The following TPRG1 variants were observed in gnomAD, a reference collection of about 807,000 sequenced individuals.
The protein encoded by TPRG1 is tumor protein p63 regulated 1, also known as tumor protein p63-regulated gene 1 protein.
In TPRG1, 29 loss-of-function variants were observed where a neutral mutation model predicts 29.3. The ratio of observed to expected loss-of-function variants is 0.99; its 90% confidence interval spans 0.74 to 1.35. TPRG1 has a LOEUF of 1.35. TPRG1 is among the 40% of genes most tolerant of loss of function. TPRG1 has a pLI of 0.00. For missense variants in TPRG1, 327 were observed against 335.0 expected (o/e 0.98, Z 0.19); for synonymous variants, 130 against 116.8 (o/e 1.11, Z -0.73).
chr3:189,034,482 T>C (rs895236281), intron 4 of TPRG1, among the ~76,000 whole-genome samples: 1 of 152,204 alleles, frequency 6.6e-6, no homozygotes, highest in Non-Finnish European at 1.5e-5. Flanking sequence ...ATAGATTTAA[T>C]ATATTGGCAA....
At chr3:189,056,064 C>T (rs1164012286) in intron 4 of TPRG1, among the ~76,000 whole-genome samples, 1 of 124,346 alleles carries the variant, frequency 8.0e-6, no homozygotes, top group East Asian at 2.9e-4. Context: ...TTCCTTCCTT[C>T]CTTCCTTCCT....
chr3:189,230,167 T>A (rs561983080), intron 3 of TPRG1, among the ~76,000 whole-genome samples: 1 of 152,262 alleles, frequency 6.6e-6, no homozygotes, highest in South Asian at 2.1e-4. Context: ...GATGGGGGCG[T>A]GCCCAGATTC....
Position 189,249,068 on chromosome 3 carries a change from TCTA to T in TPRG1, c.479+10163_479+10165del, listed in dbSNP as rs563670152. 4.6e-5 allele frequency among the ~76,000 whole-genome samples: 7 copies of T among 151,612 alleles called. No individual in the cohort carries two copies. The East Asian group carries it at 1.4e-3, about 29-fold the overall frequency. On this transcript the variant is annotated intron_variant, in intron 4 of 5. Transcript: ENST00000345063. ...TAGAGTTTCATAAGTGGTACGGAGATCTACTATCATGTTATTTAGGTATACTCT... is the reference window on the plus strand; with the variant it reads ...TAGAGTTTCATAAGTGGTACGGAGATCTATCATGTTATTTAGGTATACTCT...
chr3:189,197,105 A>G (rs553250470), intron 1 of TPRG1, among the ~76,000 whole-genome samples: 1 of 152,340 alleles, frequency 6.6e-6, no homozygotes, highest in Admixed American at 6.5e-5. Flanking sequence ...GGATGTCTCA[A>G]TAACTGGGAC....
rs567144419 is a variant in TPRG1, at chr3:189,052,552, A to C, written c.-463+28606A>C. On this transcript the variant is annotated intron_variant, in intron 4 of 10. Transcript: ENST00000433971. ...GTGTGGAGATTCCTTAAATAACTGA[A>C]AGTAGAACTACCATTTGATCCAGCA... Among the ~76,000 whole-genome samples the C allele has an allele frequency of 5.3e-4, 81 of 152,318 alleles. 1 individual carries two copies. The highest frequency in any genetic ancestry group is 1.0e-3 in the Non-Finnish European group (68 of 68,030).
At chr3:189,079,820 G>A (rs982578825) in intron 4 of TPRG1, among the ~76,000 whole-genome samples, 3 of 152,174 alleles carry the variant, frequency 2.0e-5, no homozygotes, top group Non-Finnish European at 2.9e-5. Flanking sequence ...AGGCCAAAAG[G>A]TTTAAATATG....
intron 4 of TPRG1, among the ~76,000 whole-genome samples, chr3:189,300,414 T>G (rs1398976229): frequency 1.3e-5 from 2 of 152,212 alleles, no homozygotes; most frequent in Non-Finnish European, 2.9e-5. Context: ...ATCATTTCCA[T>G]GTAAAAATAA....
At chr3:189,294,891 T>C (rs1719635706) in intron 4 of TPRG1, among the ~76,000 whole-genome samples, 1 of 152,146 alleles carries the variant, frequency 6.6e-6, no homozygotes, top group South Asian at 2.1e-4. Flanking sequence ...CTAGGGTGCA[T>C]GTGCACAATG....
intron 1 of TPRG1, among the ~76,000 whole-genome samples, chr3:189,203,852 CA>C (rs1389598458): frequency 6.6e-6 from 1 of 151,876 alleles, no homozygotes; most frequent in Non-Finnish European, 1.5e-5. Context: ...CCATCCTGGC[CA>C]ACATGGTGAA....
chr3:189,250,432 T>C (rs1285107342), intron 4 of TPRG1, among the ~76,000 whole-genome samples: 1 of 149,982 alleles, frequency 6.7e-6, no homozygotes, highest in African/African-American at 2.4e-5. Context: ...ATTGTTAGGT[T>C]CTAATGACAT....
At chr3:189,280,379 G>A (rs993435458) in intron 4 of TPRG1, among the ~76,000 whole-genome samples, 11 of 151,882 alleles carry the variant, frequency 7.2e-5, no homozygotes, top group Admixed American at 6.6e-5. Context: ...ACTTCTTTCC[G>A]TATAGGATAA....
At chr3:189,050,505 T>G (rs1268876935) in intron 4 of TPRG1, among the ~76,000 whole-genome samples, 1 of 152,096 alleles carries the variant, frequency 6.6e-6, no homozygotes, top group East Asian at 1.9e-4. Flanking sequence ...CTATCAGACA[T>G]TCACAGAATT....
intron 4 of TPRG1, among the ~76,000 whole-genome samples, chr3:189,253,469 G>C (rs1170138817): frequency 2.6e-5 from 4 of 152,184 alleles, no homozygotes; most frequent in Non-Finnish European, 5.9e-5. Context: ...CATGGTGTAT[G>C]TGTGCCACAT....
chr3:189,301,512 G>A (rs997488222), intron 4 of TPRG1, among the ~76,000 whole-genome samples: 5 of 152,070 alleles, frequency 3.3e-5, no homozygotes, highest in African/African-American at 1.2e-4. Flanking sequence ...CAGTGAAGTG[G>A]CAACCATCAT....
chr3:189,179,971 T>C (rs759389928), intron 1 of TPRG1, among the ~76,000 whole-genome samples: 1 of 152,204 alleles, frequency 6.6e-6, no homozygotes, highest in African/African-American at 2.4e-5. Flanking sequence ...GACTTACAGT[T>C]CCATGTGTCT....
intron 1 of TPRG1, among the ~76,000 whole-genome samples, chr3:189,182,220 G>A (rs1730324742): frequency 6.6e-6 from 1 of 152,152 alleles, no homozygotes. Context: ...TCATAAGCTT[G>A]CATAATTGGT....
chr3:189,225,729 TGG>T lies in TPRG1; in HGVS notation c.302+10348_302+10349del, dbSNP rs538864270. Among the ~76,000 whole-genome samples the T allele has an allele frequency of 1.6e-4, 22 of 134,550 alleles. No homozygotes were observed. The South Asian group carries it at 5.5e-3, about 34-fold the overall frequency. 88.3% of individuals were successfully genotyped at this position (134,550 alleles called of 152,430 possible). A position where few individuals can be genotyped will look rare whatever the true frequency, so the allele number is the denominator to read the frequency against. On this transcript the variant is annotated intron_variant, in intron 3 of 5. Transcript: ENST00000345063. ...AAAATGTCCTGTAGGGAGGGTAGGG[TGG>T]GTTTAAGAAGAGCACGTAGAGCAAG...
intron 4 of TPRG1, among the ~76,000 whole-genome samples, chr3:189,039,099 G>A (rs888415549): frequency 2.6e-5 from 4 of 152,190 alleles, no homozygotes; most frequent in Non-Finnish European, 5.9e-5. Flanking sequence ...AGAAATTCCC[G>A]GAGGGAAACC....
rs2108943434 is a variant in TPRG1 at position 189,238,728 on chromosome 3, T to C, written c.303-5T>C. Reference sequence around the variant, plus strand: ...AATTTTTATTTGCTATGATGATTCCTATAGGATAGACCACTGGAACAATGA... The same window carrying C: ...AATTTTTATTTGCTATGATGATTCCCATAGGATAGACCACTGGAACAATGA... On this transcript the variant is annotated splice_polypyrimidine_tract_variant and splice_region_variant and intron_variant, in intron 3 of 5. Transcript: ENST00000345063. The C allele has an allele frequency of 1.9e-6, 3 of 1,606,470 alleles. No homozygotes were observed. In the South Asian group the frequency reaches 3.3e-5, roughly 18 times the overall value.
Sources: allele counts gnomAD v4.1 joint callset (sites outside exome capture counted in the v4.1 genomes callset), GRCh38; gene constraint gnomAD v4.1.1; transcripts MANE v1.5; gene names NCBI Gene and HGNC (gene_info 2026-07-23, HGNC 2026-07-21).